DPYD: variants seen among roughly 807,000 people sequenced by gnomAD.
DPYD encodes dihydropyrimidine dehydrogenase, also known as dihydropyrimidine dehydrogenase [NADP(+)].
In DPYD, 109 loss-of-function variants were observed where a neutral mutation model predicts 116.2. The observed-to-expected ratio is 0.94, with a 90% CI of 0.80 to 1.10. DPYD has a LOEUF of 1.10. Ranked by LOEUF, DPYD falls within the 50% of genes least tolerant of loss-of-function variation. DPYD has a pLI of 0.00. For synonymous variants in DPYD, 440 were observed against 432.0 expected (o/e 1.02, Z -0.23); for missense variants, 1,302 against 1,254.5 (o/e 1.04, Z -0.57).
intron 12 of DPYD, among the ~76,000 whole-genome samples, chr1:97,520,845 T>C (rs920410474): frequency 3.9e-5 from 6 of 152,194 alleles, no homozygotes; most frequent in Non-Finnish European, 7.3e-5. Flanking sequence ...ATGGTATATA[T>C]GAGCCACATT....
At chr1:97,872,498 G>C (rs764070030) in intron 2 of DPYD, among the ~76,000 whole-genome samples, 8 of 151,896 alleles carry the variant, frequency 5.3e-5, no homozygotes, top group Non-Finnish European at 7.4e-5. Flanking sequence ...AAGCATTTTT[G>C]TAACAGCCTC....
chr1:97,601,225 G>A (rs542752955), intron 8 of DPYD, among the ~76,000 whole-genome samples: 1 of 152,082 alleles, frequency 6.6e-6, no homozygotes, highest in East Asian at 1.9e-4. Context: ...GGGTTCTTTG[G>A]AAAATTAGGT....
chr1:97,439,057 A>G (rs1675614808), intron 14 of DPYD, among the ~76,000 whole-genome samples: 1 of 151,986 alleles, frequency 6.6e-6, no homozygotes, highest in East Asian at 1.9e-4. Flanking sequence ...CCTACTATTA[A>G]TTTGCTGAGA....
intron 14 of DPYD, among the ~76,000 whole-genome samples, chr1:97,443,599 C>T (rs1485427296): frequency 1.3e-5 from 2 of 152,208 alleles, no homozygotes; most frequent in Admixed American, 1.3e-4. Flanking sequence ...TTACATTTCT[C>T]TTTGTGAATA....
At chr1:97,114,217 G>A (rs376689144) in intron 20 of DPYD, among the ~76,000 whole-genome samples, 25 of 152,030 alleles carry the variant, frequency 1.6e-4, no homozygotes, top group African/African-American at 5.1e-4. Context: ...GGACATTACC[G>A]TATGTTCTTG....
At chr1:97,752,443 C>G (rs1461780335) in intron 3 of DPYD, among the ~76,000 whole-genome samples, 1 of 152,012 alleles carries the variant, frequency 6.6e-6, no homozygotes, top group Non-Finnish European at 1.5e-5. Flanking sequence ...GAATTTTTTT[C>G]TAAAGTTTTA....
chr1:97,558,311 T>C (rs1334167877), intron 11 of DPYD, among the ~76,000 whole-genome samples: 2 of 152,274 alleles, frequency 1.3e-5, no homozygotes, highest in Non-Finnish European at 2.9e-5. Context: ...GCATCTAGCA[T>C]ATAATTGGCA....
chr1:97,466,694 C>T (rs985231013), intron 13 of DPYD, among the ~76,000 whole-genome samples: 4 of 152,022 alleles, frequency 2.6e-5, no homozygotes, highest in African/African-American at 7.2e-5. Context: ...TATGTGACCA[C>T]GCTATTTTGG....
At chr1:97,299,533 T>A (rs957170292) in intron 18 of DPYD, among the ~76,000 whole-genome samples, 2 of 152,162 alleles carry the variant, frequency 1.3e-5, no homozygotes, top group Non-Finnish European at 2.9e-5. Context: ...ACAATAGTTA[T>A]CTTAAAATAC....
chr1:97,760,249 CTT>C (rs770816925), intron 3 of DPYD, among the ~76,000 whole-genome samples: 5 of 152,042 alleles, frequency 3.3e-5, no homozygotes, highest in Non-Finnish European at 5.9e-5. Context: ...TGTTGTAAAA[CTT>C]TTATTGGAAG....
intron 16 of DPYD, among the ~76,000 whole-genome samples, chr1:97,324,251 G>T (rs1375738102): frequency 6.6e-6 from 1 of 151,960 alleles, no homozygotes; most frequent in Non-Finnish European, 1.5e-5. Flanking sequence ...CTGACAGCCA[G>T]TCAGTTTCTG....
intron 13 of DPYD, among the ~76,000 whole-genome samples, chr1:97,456,186 ATGT>A (rs771621836): frequency 6.6e-6 from 1 of 151,902 alleles, no homozygotes; most frequent in African/African-American, 2.4e-5. Context: ...GATAATAATA[ATGT>A]TGTTAGTGAC....
chr1:97,536,873 C>T (rs750744459), intron 12 of DPYD, among the ~76,000 whole-genome samples: 6 of 152,158 alleles, frequency 3.9e-5, no homozygotes, highest in Non-Finnish European at 5.9e-5. Flanking sequence ...CCTGGTGAGA[C>T]TGTAAGGTCG....
Position 97,521,805 on chromosome 1 carries a change from G to C in DPYD, c.1525-5864C>G, listed in dbSNP as rs183313679. ...ACAAACCTGACAAAAACAAGAAATG[G>C]GGAAAGGATTCCCTATTTAATAAAT... On this transcript the variant is annotated intron_variant, in intron 12 of 22. Transcript: ENST00000370192. Among the ~76,000 whole-genome samples the C allele has an allele frequency of 3.6e-3, 546 of 152,198 alleles. 3 individuals carry two copies. The highest frequency in any genetic ancestry group is 0.012 in the African/African-American group (517 of 41,540).
chr1:97,281,919 T>G (rs937194844), intron 18 of DPYD, among the ~76,000 whole-genome samples: 3 of 152,126 alleles, frequency 2.0e-5, no homozygotes, highest in Admixed American at 2.0e-4. Flanking sequence ...TACTCAAAAA[T>G]AGCTCACCAT....
At chr1:97,617,271 A>G (rs1356559019) in intron 8 of DPYD, among the ~76,000 whole-genome samples, 1 of 152,168 alleles carries the variant, frequency 6.6e-6, no homozygotes, top group Non-Finnish European at 1.5e-5. Flanking sequence ...AGACTGTTCT[A>G]AAATGTCTAT....
At chr1:97,893,182 C>T (rs1317103237) in intron 1 of DPYD, among the ~76,000 whole-genome samples, 1 of 150,914 alleles carries the variant, frequency 6.6e-6, no homozygotes, top group Admixed American at 6.6e-5. Flanking sequence ...TTTTTAAGTA[C>T]AGGAATATAG....
chr1:97,744,523 C>T (rs1664440969), intron 3 of DPYD, among the ~76,000 whole-genome samples: 1 of 151,900 alleles, frequency 6.6e-6, no homozygotes, highest in South Asian at 2.1e-4. Flanking sequence ...CTTAGCTTTG[C>T]TAGAGTTTGG....
intron 11 of DPYD, among the ~76,000 whole-genome samples, 179 bp downstream of exon 11, chr1:97,573,581 A>T (rs1363072285): frequency 6.6e-6 from 1 of 152,170 alleles, no homozygotes; most frequent in Admixed American, 6.6e-5. Context: ...CTTTAAAAAT[A>T]ATTCTATATA....
Sources: allele counts gnomAD v4.1 joint callset (sites outside exome capture counted in the v4.1 genomes callset), GRCh38; gene constraint gnomAD v4.1.1; transcripts MANE v1.5; gene names NCBI Gene and HGNC (gene_info 2026-07-23, HGNC 2026-07-21).